NKAIN2: variants seen among roughly 807,000 people sequenced by gnomAD.
The protein encoded by NKAIN2 is sodium/potassium-transporting ATPase subunit beta-1-interacting protein 2.
A neutral mutation model predicts 32.6 loss-of-function variants in NKAIN2; 14 were observed. The ratio of observed to expected loss-of-function variants is 0.43; its 90% CI spans 0.28 to 0.67. The LOEUF is 0.67. Ranked by LOEUF, NKAIN2 falls within the 30% of genes least tolerant of loss-of-function variation. NKAIN2 has a pLI of 0.17. For missense variants in NKAIN2, 198 were observed against 258.3 expected (o/e 0.77, Z 1.60); for synonymous variants, 80 against 87.2 (o/e 0.92, Z 0.46).
At chr6:124,716,080 A>G (rs2114618582) in intron 4 of NKAIN2, among the ~76,000 whole-genome samples, 1 of 152,340 alleles carries the variant, frequency 6.6e-6, no homozygotes, top group African/African-American at 2.4e-5. Flanking sequence ...TGGCAACAAG[A>G]GTTATTTATT....
chr6:124,002,370 G>T (rs904717505), intron 1 of NKAIN2, among the ~76,000 whole-genome samples: 1 of 152,088 alleles, frequency 6.6e-6, no homozygotes, highest in Non-Finnish European at 1.5e-5. Context: ...CTTATTCTGG[G>T]TGCTGAATCA....
Position 124,726,111 on chromosome 6 carries a change from G to A in NKAIN2, c.475-65228G>A, listed in dbSNP as rs189632386. 4.5e-4 allele frequency among the ~76,000 whole-genome samples: 68 copies of A among 152,340 alleles called. 3 individuals carry two copies. In the East Asian group the frequency reaches 0.013, roughly 29 times the overall value. ...ACAGCAGTCTGAGATCAAACTGCAA[G>A]GCGGCAGCGAGCCTGGGGGAGGGGC... On this transcript the variant is annotated intron_variant, in intron 4 of 6. Coordinates refer to ENST00000368417, the MANE Select transcript of NKAIN2 (RefSeq NM_001040214.3).
chr6:124,521,181 G>A (rs1779105388), intron 3 of NKAIN2, among the ~76,000 whole-genome samples: 1 of 152,122 alleles, frequency 6.6e-6, no homozygotes, highest in Non-Finnish European at 1.5e-5. Flanking sequence ...CAGGAGTAGT[G>A]AGAGAAGACA....
At chr6:123,994,607 G>A (rs750707935) in intron 1 of NKAIN2, among the ~76,000 whole-genome samples, 14 of 152,078 alleles carry the variant, frequency 9.2e-5, no homozygotes, top group Non-Finnish European at 1.8e-4. Context: ...TGGTGCCCTT[G>A]CATATGCTTC....
chr6:123,864,093 G>T (rs1020151901), intron 1 of NKAIN2, among the ~76,000 whole-genome samples: 3 of 152,064 alleles, frequency 2.0e-5, no homozygotes, highest in African/African-American at 7.2e-5. Context: ...TTGCTTGCTT[G>T]TTTTGTTTTT....
intron 3 of NKAIN2, among the ~76,000 whole-genome samples, chr6:124,446,808 C>G (rs141702548): frequency 9.3e-4 from 142 of 152,158 alleles, no homozygotes; most frequent in African/African-American, 3.3e-3. Context: ...TAACTTACAC[C>G]AATTTTCCAG....
intron 1 of NKAIN2, among the ~76,000 whole-genome samples, chr6:123,930,727 A>C (rs1297762939): frequency 6.6e-6 from 1 of 152,102 alleles, no homozygotes; most frequent in Non-Finnish European, 1.5e-5. Context: ...GTCAATAGGG[A>C]AATGTTTGTT....
intron 3 of NKAIN2, among the ~76,000 whole-genome samples, chr6:124,562,688 A>G (rs1780740580): frequency 6.6e-6 from 1 of 152,002 alleles, no homozygotes. Flanking sequence ...AAAAATAACT[A>G]TTTTTCCAAA....
At chr6:124,058,259 G>T (rs1263677367) in intron 1 of NKAIN2, among the ~76,000 whole-genome samples, 12 of 146,598 alleles carry the variant, frequency 8.2e-5, no homozygotes, top group Admixed American at 6.2e-4. Flanking sequence ...TTTCTATAGA[G>T]AATGAGAAAA....
intron 1 of NKAIN2, among the ~76,000 whole-genome samples, chr6:123,999,098 T>C (rs2114707792): frequency 6.6e-6 from 1 of 151,654 alleles, no homozygotes; most frequent in Non-Finnish European, 1.5e-5. Flanking sequence ...GAAATGAAAC[T>C]AAACGACCCC....
At chr6:124,158,803 T>G (rs1415520872) in intron 1 of NKAIN2, among the ~76,000 whole-genome samples, 1 of 152,216 alleles carries the variant, frequency 6.6e-6, no homozygotes, top group Non-Finnish European at 1.5e-5. Flanking sequence ...AGTTGTCACA[T>G]TATGTAGATC....
intron 1 of NKAIN2, among the ~76,000 whole-genome samples, chr6:124,269,901 A>G (rs1311202059): frequency 6.6e-6 from 1 of 152,110 alleles, no homozygotes; most frequent in African/African-American, 2.4e-5. Context: ...CTGTCATTTC[A>G]TCTCCCATCC....
At chr6:124,406,619 T>G (rs1385599256) in intron 3 of NKAIN2, among the ~76,000 whole-genome samples, 1 of 152,114 alleles carries the variant, frequency 6.6e-6, no homozygotes, top group African/African-American at 2.4e-5. Flanking sequence ...GGCTGGATTA[T>G]ATGAATGGTT....
chr6:123,911,888 T>C (rs1378465033), intron 1 of NKAIN2, among the ~76,000 whole-genome samples: 1 of 147,062 alleles, frequency 6.8e-6, no homozygotes, highest in Non-Finnish European at 1.5e-5. Context: ...CCCAAGGGCA[T>C]ATTTTCAAAC....
intron 3 of NKAIN2, among the ~76,000 whole-genome samples, chr6:124,386,232 C>T (rs143286480): frequency 7.2e-5 from 11 of 152,244 alleles, no homozygotes; most frequent in African/African-American, 1.7e-4. Context: ...TCGCTGGTAA[C>T]GCCTTCCTGG....
At chr6:124,806,150 T>A (rs1780542549) in intron 5 of NKAIN2, among the ~76,000 whole-genome samples, 1 of 152,044 alleles carries the variant, frequency 6.6e-6, no homozygotes, top group African/African-American at 2.4e-5. Flanking sequence ...ACCACAAAGA[T>A]ACTCCTCGAG....
At chr6:124,127,141 TGATG>T in intron 1 of NKAIN2, among the ~76,000 whole-genome samples, 1 of 152,182 alleles carries the variant, frequency 6.6e-6, no homozygotes, top group African/African-American at 2.4e-5. Flanking sequence ...TGGGCATCAG[TGATG>T]TAAGAACTAT....
chr6:123,972,399 C>G (rs1458910472), intron 1 of NKAIN2, among the ~76,000 whole-genome samples: 2 of 152,110 alleles, frequency 1.3e-5, no homozygotes, highest in Non-Finnish European at 2.9e-5. Context: ...ATTTCTGAGA[C>G]AAATAGCCTA....
At chr6:124,694,104 C>T (rs999336208) in intron 4 of NKAIN2, among the ~76,000 whole-genome samples, 2 of 152,146 alleles carry the variant, frequency 1.3e-5, no homozygotes, top group African/African-American at 2.4e-5. Flanking sequence ...TTTAAAAGCA[C>T]GTTTGCATAT....
Sources: gnomAD v4.1 joint callset for allele counts (sites outside exome capture counted in the v4.1 genomes callset) on GRCh38, gnomAD v4.1.1 for gene constraint, MANE v1.5 for transcripts, NCBI Gene and HGNC (gene_info 2026-07-23, HGNC 2026-07-21) for gene names.